GAB1: variants seen among roughly 807,000 people sequenced by gnomAD.
The protein encoded by GAB1 is GRB2-associated-binding protein 1.
A neutral mutation model predicts 66.5 loss-of-function variants in GAB1; 19 were observed. The ratio of observed to expected loss-of-function variants is 0.29; its 90% confidence interval spans 0.20 to 0.42. The LOEUF is 0.42. GAB1 is among the 10% of genes least tolerant of loss of function. GAB1 has a pLI of 1.00. For synonymous variants in GAB1, 294 were observed against 301.4 expected, an observed-to-expected ratio of 0.98 and a Z score of 0.25; for missense variants, 732 against 858.5, an observed-to-expected ratio of 0.85 and a Z score of 1.84.
intron 1 of GAB1, among the ~76,000 whole-genome samples, chr4:143,375,243 C>G (rs747541282): frequency 6.6e-6 from 1 of 152,210 alleles, no homozygotes; most frequent in Admixed American, 6.5e-5. Context: ...CCACTGCACC[C>G]GGCCTGAAAA....
rs1733286651 is a variant in GAB1 at position 143,425,411 on chromosome 4, G to A, written c.368-8080G>A. The A allele has an allele frequency of 2.0e-5, 15 of 759,252 alleles. No individual in the cohort carries two copies. The South Asian group carries it at 2.0e-4, about 10-fold the overall frequency. The allele number at this position is 759,252 out of a possible 1,614,324, so 47.0% of individuals were successfully genotyped here. A position where few individuals can be genotyped will look rare whatever the true frequency, so the allele number is the denominator to read the frequency against. On this transcript the variant is annotated intron_variant, in intron 2 of 9. Transcript: ENST00000262994. Reference sequence around the variant, plus strand: ...CTTCTGGGAGCCATGGCTTCTTGTGGTTACTGACCCCAGGGCTGAAGACCA... The same window carrying A: ...CTTCTGGGAGCCATGGCTTCTTGTGATTACTGACCCCAGGGCTGAAGACCA...
chr4:143,378,047 G>T (rs1456405580), intron 1 of GAB1, among the ~76,000 whole-genome samples: 2 of 152,224 alleles, frequency 1.3e-5, no homozygotes, highest in Non-Finnish European at 1.5e-5. Context: ...ATACTCACAC[G>T]CTTTGCCGTA....
At chr4:143,450,505 A>G (rs1419918555) in intron 6 of GAB1, among the ~76,000 whole-genome samples, 1 of 152,216 alleles carries the variant, frequency 6.6e-6, no homozygotes, top group Non-Finnish European at 1.5e-5. Flanking sequence ...ATTTAATTGA[A>G]ATGTGACCTC....
chr4:143,413,824 C>CCTTT (rs61697817), intron 1 of GAB1, among the ~76,000 whole-genome samples: 1 of 67,824 alleles, frequency 1.5e-5, no homozygotes, highest in African/African-American at 9.4e-5. Flanking sequence ...CCCCGCTGCC[C>CCTTT]TTTTTTTTTT....
At chr4:143,374,752 C>T (rs1730339790) in intron 1 of GAB1, among the ~76,000 whole-genome samples, 3 of 152,192 alleles carry the variant, frequency 2.0e-5, no homozygotes, top group Admixed American at 2.0e-4. Context: ...GAATTACTTT[C>T]ACGAGTGTCT....
rs181296211 is a variant in GAB1, at chr4:143,431,958, C to T, written c.368-1533C>T. On this transcript the variant is annotated intron_variant, in intron 2 of 9. Coordinates refer to ENST00000262994, the MANE Select transcript of GAB1 (RefSeq NM_002039.4). Reference sequence around the variant, plus strand: ...CTGAAAAAAGAAAAAAAAAAGGCCTCGCTTTAAAGCTAACTCCTGACCTGG... The same window carrying T: ...CTGAAAAAAGAAAAAAAAAAGGCCTTGCTTTAAAGCTAACTCCTGACCTGG... 5.9e-5 allele frequency among the ~76,000 whole-genome samples: 9 copies of T among 152,216 alleles called. No homozygotes were observed. The East Asian group carries it at 1.2e-3, about 20-fold the overall frequency.
intron 6 of GAB1, among the ~76,000 whole-genome samples, chr4:143,457,240 T>C (rs1424668722): frequency 6.6e-6 from 1 of 152,218 alleles, no homozygotes; most frequent in Non-Finnish European, 1.5e-5. Flanking sequence ...CCTTCGGGCT[T>C]TCATATGAGA....
chr4:143,417,878 CA>C (rs1477690440), intron 2 of GAB1, among the ~76,000 whole-genome samples: 7 of 152,220 alleles, frequency 4.6e-5, no homozygotes, highest in African/African-American at 1.7e-4. Flanking sequence ...TGGTTATACT[CA>C]CATTTAGAAG....
chr4:143,460,072 G>A (rs528364355), intron 7 of GAB1, among the ~76,000 whole-genome samples: 6 of 151,928 alleles, frequency 3.9e-5, no homozygotes, highest in Non-Finnish European at 8.8e-5. Context: ...AAATTCTTAA[G>A]TCTTCCATTT....
chr4:143,437,398 C>T (rs771861853), intron 3 of GAB1, among the ~76,000 whole-genome samples: 170 of 152,074 alleles, frequency 1.1e-3, no homozygotes, highest in Non-Finnish European at 6.0e-4. Context: ...CTCTGTATCA[C>T]GTATTTCGAT....
chr4:143,377,576 G>A (rs1240328810), intron 1 of GAB1, among the ~76,000 whole-genome samples: 1 of 152,000 alleles, frequency 6.6e-6, no homozygotes, highest in Non-Finnish European at 1.5e-5. Context: ...GAACTTTTTT[G>A]GATCATTATG....
intron 1 of GAB1, among the ~76,000 whole-genome samples, chr4:143,355,539 C>A (rs1560715780): frequency 6.6e-6 from 1 of 152,162 alleles, no homozygotes; most frequent in African/African-American, 2.4e-5. Flanking sequence ...CCCAATCTCT[C>A]CTGCTTCACC....
intron 6 of GAB1, among the ~76,000 whole-genome samples, chr4:143,443,475 C>T (rs1454962159): frequency 7.9e-5 from 12 of 152,042 alleles, no homozygotes; most frequent in Non-Finnish European, 1.0e-4. Flanking sequence ...TTTTAAAATC[C>T]AAATTCAGAT....
At chr4:143,399,102 C>T (rs1170598006) in intron 1 of GAB1, among the ~76,000 whole-genome samples, 1 of 152,178 alleles carries the variant, frequency 6.6e-6, no homozygotes. Flanking sequence ...AATGATTTCT[C>T]AGATTTTCAG....
intron 4 of GAB1, among the ~76,000 whole-genome samples, chr4:143,439,073 A>C (rs1189075078): frequency 6.6e-6 from 1 of 152,078 alleles, no homozygotes; most frequent in South Asian, 2.1e-4. Flanking sequence ...CAGTCAAGCC[A>C]TTATGCTGTT....
chr4:143,394,271 C>CTACCTTTTTTTTGTTT (rs1225652435), intron 1 of GAB1, among the ~76,000 whole-genome samples: 38 of 152,004 alleles, frequency 2.5e-4, no homozygotes, highest in African/African-American at 7.7e-4. Flanking sequence ...GAGTGAGACT[C>CTACCTTTTTTTTGTTT]TGTCTCAAAA....
At chr4:143,413,824 C>T (rs1246244269) in intron 1 of GAB1, among the ~76,000 whole-genome samples, 2 of 67,824 alleles carry the variant, frequency 2.9e-5, no homozygotes, top group African/African-American at 9.4e-5. Flanking sequence ...CCCCGCTGCC[C>T]TTTTTTTTTT....
chr4:143,388,481 C>G (rs1731020998), intron 1 of GAB1, among the ~76,000 whole-genome samples: 1 of 152,190 alleles, frequency 6.6e-6, no homozygotes, highest in Non-Finnish European at 1.5e-5. Context: ...GTAGAGCGAT[C>G]TCGGCTCACT....
At chr4:143,349,421 T>C in intron 1 of GAB1, 1 of 1,105,416 alleles carries the variant, frequency 9.0e-7, no homozygotes, top group Non-Finnish European at 1.4e-6. Context: ...CTGTAGGTCT[T>C]AGAAATGGCA....
Sources: allele counts gnomAD v4.1 joint callset (sites outside exome capture counted in the v4.1 genomes callset), GRCh38; gene constraint gnomAD v4.1.1; transcripts MANE v1.5; gene names NCBI Gene and HGNC (gene_info 2026-07-23, HGNC 2026-07-21).